KIRREL3: variants seen among roughly 807,000 people sequenced by gnomAD.
KIRREL3 encodes the protein kin of IRRE-like protein 3.
KIRREL3 carries 36 observed loss-of-function variants against 89.7 expected under a neutral mutation model. The ratio of observed to expected loss-of-function variants is 0.40; its 90% CI spans 0.31 to 0.53. The LOEUF is 0.53. Among genes scored for constraint, KIRREL3 ranks in the 20% least tolerant of loss-of-function variants. The probability of loss-of-function intolerance (pLI) is 0.49; values close to 1 mark genes in which losing one functional copy is unlikely to be tolerated. For missense variants in KIRREL3, 864 were observed against 1,056.6 expected (o/e 0.82, Z 2.53); for synonymous variants, 445 against 441.4 (o/e 1.01, Z -0.10).
chr11:126,512,152 CCT>C (rs959955492), intron 4 of KIRREL3, among the ~76,000 whole-genome samples: 1 of 152,348 alleles, frequency 6.6e-6, no homozygotes, highest in Non-Finnish European at 1.5e-5. Flanking sequence ...CCATTACCCC[CCT>C]CTTTCCTGGG....
intron 1 of KIRREL3, among the ~76,000 whole-genome samples, chr11:126,767,289 G>A (rs1441277809): frequency 6.6e-6 from 1 of 152,202 alleles, no homozygotes; most frequent in Non-Finnish European, 1.5e-5. Context: ...CTGACAGGAG[G>A]GAGCTGGTAG....
At chr11:126,949,675 T>C (rs909673977) in intron 1 of KIRREL3, among the ~76,000 whole-genome samples, 4 of 152,182 alleles carry the variant, frequency 2.6e-5, no homozygotes, top group Non-Finnish European at 5.9e-5. Flanking sequence ...CATTCTCTTC[T>C]GCATAGTGAG....
rs1485697905 is a variant in KIRREL3, at chr11:126,890,128, T to C, written c.55+110327A>G. 6.6e-6 allele frequency among the ~76,000 whole-genome samples: 1 copy of C among 152,210 alleles called. No homozygotes were observed. Among genetic ancestry groups the C allele is most frequent in the Non-Finnish European group, 1.5e-5 (1 of 68,046 alleles). On this transcript the variant is annotated intron_variant, in intron 1 of 16. Coordinates refer to ENST00000525144, the MANE Select transcript of KIRREL3 (RefSeq NM_032531.4). This position sits in a 1 kb window ranked among gnomAD's most constrained non-coding sequence, Gnocchi z 5.1. ...GGTCAGTGCAATCTCTGTAGTTAAA[T>C]TCTTGAGTTAAAATGAAGATAAAAT...
At position 126,608,604 on chromosome 11, in the gene KIRREL3, A is replaced by G. The variant is rs1010976261; in HGVS notation, c.56-45692T>C. Among the ~76,000 whole-genome samples, 1 of 151,978 alleles carries G rather than the reference A, an allele frequency of 6.6e-6. No homozygotes were observed. The highest frequency in any genetic ancestry group is 1.5e-5 in the Non-Finnish European group (1 of 68,002). ...CGAGCTGCTTTCTTCTGAGCTCAATAATCACCCTGGACTAATCCATACACA... is the reference window on the plus strand; with the variant it reads ...CGAGCTGCTTTCTTCTGAGCTCAATGATCACCCTGGACTAATCCATACACA... On this transcript the variant is annotated intron_variant, in intron 1 of 16. Coordinates refer to ENST00000525144, the MANE Select transcript of KIRREL3 (RefSeq NM_032531.4). The surrounding 1 kb of genome is among the most constrained non-coding windows in gnomAD (Gnocchi z 4.9).
chr11:126,952,211 C>T (rs891444456), intron 1 of KIRREL3, among the ~76,000 whole-genome samples: 1 of 152,082 alleles, frequency 6.6e-6, no homozygotes, highest in African/African-American at 2.4e-5. Flanking sequence ...CACAGTGAGA[C>T]CCTGTCTCTA....
At chr11:126,730,107 C>T (rs1465113699) in intron 1 of KIRREL3, among the ~76,000 whole-genome samples, 6 of 152,178 alleles carry the variant, frequency 3.9e-5, no homozygotes, top group East Asian at 1.9e-4. Flanking sequence ...TATCCCCAGC[C>T]GTCTTCTCAT....
At position 126,978,279 on chromosome 11, in the gene KIRREL3, C is replaced by T. The variant is rs2135238684; in HGVS notation, c.55+22176G>A. On this transcript the variant is annotated intron_variant, in intron 1 of 16. Transcript: ENST00000525144. This position sits in a 1 kb window ranked among gnomAD's most constrained non-coding sequence, Gnocchi z 4.2. ...TCCACTTCCTCTACCAACATTCTTC[C>T]TGTGTCAGATCTGTCCTCCCCTGTG... is the stretch of plus-strand genomic sequence containing the variant. Among the ~76,000 whole-genome samples, 1 of 152,318 alleles carries T rather than the reference C, an allele frequency of 6.6e-6. No homozygotes were observed. The highest frequency in any genetic ancestry group is 6.5e-5 in the Admixed American group (1 of 15,300).
Position 126,686,674 on chromosome 11 carries a change from A to G in KIRREL3, c.56-123762T>C, listed in dbSNP as rs1337629385. Among the ~76,000 whole-genome samples the G allele has an allele frequency of 2.0e-5, 3 of 152,084 alleles. No individual in the cohort carries two copies. The highest frequency in any genetic ancestry group is 2.9e-5 in the Non-Finnish European group (2 of 68,012). Reference sequence around the variant, plus strand: ...GGCTCACTGCAACCTCGGCCTCTCCAGTTCAAGCAGTTCTCCTGCCTCAGC... The same window carrying G: ...GGCTCACTGCAACCTCGGCCTCTCCGGTTCAAGCAGTTCTCCTGCCTCAGC... On this transcript the variant is annotated intron_variant, in intron 1 of 16. Transcript: ENST00000525144. This position sits in a 1 kb window ranked among gnomAD's most constrained non-coding sequence, Gnocchi z 4.7.
chr11:126,697,493 C>T lies in KIRREL3; in HGVS notation c.56-134581G>A, dbSNP rs1947146749. Among the ~76,000 whole-genome samples the T allele has an allele frequency of 6.6e-6, 1 of 152,234 alleles. No individual in the cohort carries two copies. The highest frequency in any genetic ancestry group is 1.5e-5 in the Non-Finnish European group (1 of 68,046). On this transcript the variant is annotated intron_variant, in intron 1 of 16. Transcript: ENST00000525144. The surrounding 1 kb of genome is among the most constrained non-coding windows in gnomAD (Gnocchi z 4.2). ...GAATGCTGGTTCTACTCTACCTTTC[C>T]AGGGCTAAGTCCTACGACTGTGACA...
chr11:126,965,987 G>A lies in KIRREL3; in HGVS notation c.55+34468C>T, dbSNP rs142118322. The stretch of plus-strand genomic sequence containing the variant: ...TAAATCTTTGGAAGGAACAAATGGG[G>A]TCTTGAGAGTGTGACCATTTGGTTC... On this transcript the variant is annotated intron_variant, in intron 1 of 16. Coordinates refer to ENST00000525144, the MANE Select transcript of KIRREL3 (RefSeq NM_032531.4). This position sits in a 1 kb window ranked among gnomAD's most constrained non-coding sequence, Gnocchi z 4.4. Among the ~76,000 whole-genome samples the A allele has an allele frequency of 8.7e-4, 133 of 152,268 alleles. 1 individual carries two copies. The highest frequency in any genetic ancestry group is 3.1e-3 in the African/African-American group (129 of 41,564).
chr11:127,002,586 G>T (rs191247156), upstream of KIRREL3, among the ~76,000 whole-genome samples: 2 of 152,124 alleles, frequency 1.3e-5, no homozygotes, highest in African/African-American at 4.8e-5. Flanking sequence ...GTATAGCGCC[G>T]TCACCTTAGT....
rs886366644 is a variant in KIRREL3, at chr11:126,976,723, C to T, written c.55+23732G>A. 6.6e-6 allele frequency among the ~76,000 whole-genome samples: 1 copy of T among 152,002 alleles called. No homozygotes were observed. Among genetic ancestry groups the T allele is most frequent in the East Asian group, 1.9e-4 (1 of 5,190 alleles). ...GTCAGATAATATGCTGTACTTGCAG[C>T]GTATCATTTAATCTACTTAACAAAT... is the stretch of plus-strand genomic sequence containing the variant. On this transcript the variant is annotated intron_variant, in intron 1 of 16. Transcript: ENST00000525144. The surrounding 1 kb of genome is among the most constrained non-coding windows in gnomAD (Gnocchi z 4.2).
chr11:126,966,351 C>A (rs1203934417), intron 1 of KIRREL3, among the ~76,000 whole-genome samples: 1 of 152,140 alleles, frequency 6.6e-6, no homozygotes, highest in African/African-American at 2.4e-5. Flanking sequence ...ATTGTCAGAG[C>A]AGCATGCGTC....
At chr11:126,821,147 T>C (rs186501004) in intron 1 of KIRREL3, among the ~76,000 whole-genome samples, 124 of 151,774 alleles carry the variant, frequency 8.2e-4, no homozygotes, top group Admixed American at 2.3e-3. Context: ...ATATGAGAAA[T>C]GTTGTTTCTT....
chr11:126,834,372 C>A (rs1198164246), intron 1 of KIRREL3, among the ~76,000 whole-genome samples: 1 of 152,160 alleles, frequency 6.6e-6, no homozygotes, highest in Non-Finnish European at 1.5e-5. Context: ...TCGTGGTTAA[C>A]ATCTTATCCA....
chr11:126,585,784 G>T (rs1171826257), intron 1 of KIRREL3, among the ~76,000 whole-genome samples: 1 of 152,172 alleles, frequency 6.6e-6, no homozygotes, highest in Non-Finnish European at 1.5e-5. Context: ...CTCTGGGGGG[G>T]CATCTAGCTA....
intron 2 of KIRREL3, among the ~76,000 whole-genome samples, chr11:126,538,128 C>T (rs927173330): frequency 3.9e-5 from 6 of 152,160 alleles, no homozygotes; most frequent in African/African-American, 7.2e-5. Flanking sequence ...ATGGGTGGTG[C>T]GGGAGACAGT....
At chr11:126,580,075 G>C (rs1292832605) in intron 1 of KIRREL3, among the ~76,000 whole-genome samples, 1 of 152,122 alleles carries the variant, frequency 6.6e-6, no homozygotes, top group East Asian at 1.9e-4. Flanking sequence ...TCGATCTCCT[G>C]ACCTCGTGAT....
chr11:126,680,872 G>C (rs1157255367), intron 1 of KIRREL3, among the ~76,000 whole-genome samples: 2 of 152,108 alleles, frequency 1.3e-5, no homozygotes, highest in Non-Finnish European at 2.9e-5. Flanking sequence ...ATGAATGCCA[G>C]AAATATTACC....
Sources: allele counts gnomAD v4.1 joint callset (sites outside exome capture counted in the v4.1 genomes callset), GRCh38; gene constraint gnomAD v4.1.1; non-coding constraint Gnocchi (gnomAD v3.1); transcripts MANE v1.5; gene names NCBI Gene and HGNC (gene_info 2026-07-23, HGNC 2026-07-21).